Variants in THSD4 observed in about 807,000 individuals in gnomAD.
THSD4 encodes thrombospondin type-1 domain-containing protein 4.
In THSD4, 69 loss-of-function variants were observed where a neutral mutation model predicts 119.0. That is an observed-to-expected ratio of 0.58 (90% CI 0.48 to 0.71). THSD4 has a LOEUF of 0.71. THSD4 is among the 30% of genes least tolerant of loss of function. THSD4 has a pLI of 0.00. For missense variants in THSD4, 1,393 were observed against 1,391.1 expected, an observed-to-expected ratio of 1.00 and a Z score of -0.02; for synonymous variants, 524 against 540.4, an observed-to-expected ratio of 0.97 and a Z score of 0.42.
intron 6 of THSD4, among the ~76,000 whole-genome samples, chr15:71,382,374 G>A (rs1362293796): frequency 1.3e-5 from 2 of 152,162 alleles, no homozygotes; most frequent in Non-Finnish European, 2.9e-5. Context: ...TTTTGCATCA[G>A]TGTACTTTTG....
Position 71,247,283 on chromosome 15 carries a change from C to T in THSD4, c.912+4187C>T, listed in dbSNP as rs140397106. Among the ~76,000 whole-genome samples the T allele has an allele frequency of 8.5e-5, 13 of 152,208 alleles. No individual in the cohort carries two copies. In the East Asian group the frequency reaches 2.1e-3, roughly 25 times the overall value. On this transcript the variant is annotated intron_variant, in intron 5 of 17. Transcript: ENST00000261862. The stretch of plus-strand genomic sequence containing the variant: ...TGTTGCCCAGGCTGGAGTGCAGTGG[C>T]GCAGTCTTTTAAACATTCTCAAGAG...
At chr15:71,543,532 AG>A (rs2140842691) in intron 7 of THSD4, among the ~76,000 whole-genome samples, 1 of 152,330 alleles carries the variant, frequency 6.6e-6, no homozygotes, top group South Asian at 2.1e-4. Flanking sequence ...CCCTGTTGTC[AG>A]CCCCTGGGAA....
At chr15:71,495,263 C>T (rs2047995807) in intron 7 of THSD4, among the ~76,000 whole-genome samples, 1 of 152,172 alleles carries the variant, frequency 6.6e-6, no homozygotes, top group Non-Finnish European at 1.5e-5. Context: ...TCTCCTACTG[C>T]TTGGAGCAGT....
chr15:71,359,413 GAAGCTGTATT>G (rs2045863730), intron 6 of THSD4, among the ~76,000 whole-genome samples: 1 of 152,210 alleles, frequency 6.6e-6, no homozygotes, highest in South Asian at 2.1e-4. Context: ...CTGGTAGGTA[GAAGCTGTATT>G]CGTACCATTT....
Position 71,711,673 on chromosome 15 carries a change from G to GATAT in THSD4, c.1358-16870_1358-16867dup, listed in dbSNP as rs10671082. Among the ~76,000 whole-genome samples, 25 of 151,846 alleles carry GATAT rather than the reference G, an allele frequency of 1.6e-4. No individual in the cohort carries two copies. In the East Asian group the frequency reaches 4.2e-3, roughly 26 times the overall value. ...ATAAGAAATCCACTCTAAAGGTAAT[G>GATAT]ATATATATAAATAGATTTAAAGGAA... On this transcript the variant is annotated intron_variant, in intron 8 of 17. Transcript: ENST00000261862.
chr15:71,434,250 A>G (rs2046977387), intron 7 of THSD4, among the ~76,000 whole-genome samples: 1 of 152,092 alleles, frequency 6.6e-6, no homozygotes, highest in African/African-American at 2.4e-5. Context: ...ATACAAACAC[A>G]TGTATACACA....
intron 15 of THSD4, among the ~76,000 whole-genome samples, chr15:71,763,015 G>A (rs2053651705): frequency 6.6e-6 from 1 of 152,008 alleles, no homozygotes; most frequent in Non-Finnish European, 1.5e-5. Flanking sequence ...AGGTTGCAGT[G>A]AGCCGAGATT....
chr15:71,446,566 T>G (rs989614433), intron 7 of THSD4, among the ~76,000 whole-genome samples: 15 of 152,222 alleles, frequency 9.9e-5, no homozygotes, highest in African/African-American at 3.6e-4. Flanking sequence ...TAGAATGCCT[T>G]ACATAGCAGG....
chr15:71,436,299 G>GA (rs2047012627), intron 7 of THSD4, among the ~76,000 whole-genome samples: 3 of 151,904 alleles, frequency 2.0e-5, no homozygotes, highest in Non-Finnish European at 1.5e-5. Flanking sequence ...AAAGACGAAG[G>GA]AAAAAACAAA....
chr15:71,670,099 T>TTTA (rs2141011866), intron 8 of THSD4, among the ~76,000 whole-genome samples: 1 of 152,300 alleles, frequency 6.6e-6, no homozygotes, highest in South Asian at 2.1e-4. Flanking sequence ...TTTATTATTA[T>TTTA]ACTTTAAGTT....
intron 7 of THSD4, among the ~76,000 whole-genome samples, chr15:71,631,402 G>A (rs902174529): frequency 6.6e-6 from 1 of 152,158 alleles, no homozygotes; most frequent in Non-Finnish European, 1.5e-5. Flanking sequence ...GGGTGAAAAA[G>A]GAAAGGCCGA....
intron 4 of THSD4, among the ~76,000 whole-genome samples, chr15:71,234,365 G>T (rs1455779729): frequency 1.3e-5 from 2 of 152,070 alleles, no homozygotes; most frequent in African/African-American, 4.8e-5. Flanking sequence ...GAGTGCAATG[G>T]CACGATCTTG....
intron 7 of THSD4, among the ~76,000 whole-genome samples, chr15:71,572,696 G>C (rs949735056): frequency 6.6e-6 from 1 of 152,082 alleles, no homozygotes; most frequent in East Asian, 1.9e-4. Context: ...CATAATCTTA[G>C]GATTCTGTGT....
chr15:71,717,190 A>G (rs953674223), intron 8 of THSD4, among the ~76,000 whole-genome samples: 8 of 152,230 alleles, frequency 5.3e-5, no homozygotes, highest in Non-Finnish European at 1.2e-4. Flanking sequence ...ACTAAACACT[A>G]GCTCTTTACT....
intron 6 of THSD4, among the ~76,000 whole-genome samples, chr15:71,326,920 C>T (rs2045353095): frequency 6.7e-6 from 1 of 150,360 alleles, no homozygotes; most frequent in Non-Finnish European, 1.5e-5. Context: ...GTAATCCTAG[C>T]GCTTTGGGAG....
chr15:71,619,182 G>A (rs1271896886), intron 7 of THSD4, among the ~76,000 whole-genome samples: 2 of 151,958 alleles, frequency 1.3e-5, no homozygotes, highest in East Asian at 3.9e-4. Flanking sequence ...ATGTTGGCCA[G>A]GCTGGTCTTG....
At chr15:71,417,798 G>T (rs116365936) in intron 7 of THSD4, among the ~76,000 whole-genome samples, 6,193 of 107,748 alleles carry the variant, frequency 0.057, 1,990 homozygotes, top group African/African-American at 0.19. Context: ...TTTTGATAAG[G>T]ATTACATTAA....
At chr15:71,155,004 C>G in intron 3 of THSD4, 72 bp downstream of exon 3, 2 of 1,468,666 alleles carry the variant, frequency 1.4e-6, no homozygotes, top group Non-Finnish European at 1.9e-6. Context: ...CTGCCCTGAA[C>G]TTTGTTCTGT....
rs141921005 is a variant in THSD4 at position 71,646,829 on chromosome 15, C to T, written c.1153-13701C>T. Among the ~76,000 whole-genome samples the T allele has an allele frequency of 1.7e-3, 263 of 152,262 alleles. 1 individual carries two copies. The highest frequency in any genetic ancestry group is 0.016 in the Admixed American group (240 of 15,300). On this transcript the variant is annotated intron_variant, in intron 7 of 17. Coordinates refer to ENST00000261862, the MANE Select transcript of THSD4 (RefSeq NM_024817.3). ...ACCTGGGTTAAGGCTTATTCTTGAG[C>T]GGCTGCAGCCCTGGGCACTCCCTTC...
Sources: allele counts gnomAD v4.1 joint callset (sites outside exome capture counted in the v4.1 genomes callset), GRCh38; gene constraint gnomAD v4.1.1; transcripts MANE v1.5; gene names NCBI Gene and HGNC (gene_info 2026-07-23, HGNC 2026-07-21).